Variants in ARHGAP26 observed in about 807,000 individuals in gnomAD.
ARHGAP26 encodes the protein rho GTPase-activating protein 26.
In ARHGAP26, 38 loss-of-function variants were observed where a neutral mutation model predicts 104.8. The ratio of observed to expected loss-of-function variants is 0.36; its 90% confidence interval spans 0.28 to 0.48. ARHGAP26 has a LOEUF of 0.48. ARHGAP26 is among the 20% of genes least tolerant of loss of function. The probability of loss-of-function intolerance (pLI) is 0.99; values close to 1 mark genes in which losing one functional copy is unlikely to be tolerated. For missense variants in ARHGAP26, 704 were observed against 947.9 expected (o/e 0.74, Z 3.38); for synonymous variants, 341 against 340.0 (o/e 1.00, Z -0.03).
intron 11 of ARHGAP26, among the ~76,000 whole-genome samples, chr5:142,975,980 C>A (rs1030451170): frequency 6.6e-6 from 1 of 152,142 alleles, no homozygotes; most frequent in South Asian, 2.1e-4. Context: ...AAAAACTCTC[C>A]GTGGAACTTA....
chr5:143,134,364 C>G (rs754371099), intron 19 of ARHGAP26, among the ~76,000 whole-genome samples: 1 of 152,172 alleles, frequency 6.6e-6, no homozygotes, highest in Non-Finnish European at 1.5e-5. Context: ...AGCTGAGTCT[C>G]TTTTCCTCCT....
At chr5:143,125,963 T>C (rs184398737) in intron 18 of ARHGAP26, among the ~76,000 whole-genome samples, 3 of 152,372 alleles carry the variant, frequency 2.0e-5, no homozygotes, top group Admixed American at 2.0e-4. Flanking sequence ...TATTAAAATC[T>C]ACTCTAGTTA....
chr5:142,791,548 A>G (rs1759816729), intron 1 of ARHGAP26, among the ~76,000 whole-genome samples: 2 of 152,212 alleles, frequency 1.3e-5, no homozygotes, highest in South Asian at 4.1e-4. Context: ...ACCTAGAAGA[A>G]ATGGACTGAT....
intron 11 of ARHGAP26, among the ~76,000 whole-genome samples, chr5:143,001,083 T>A (rs897164611): frequency 1.1e-4 from 16 of 151,814 alleles, no homozygotes; most frequent in African/African-American, 3.9e-4. Context: ...TAAAAGAATA[T>A]ATATGATGTA....
chr5:143,178,717 C>T (rs1438060503), intron 20 of ARHGAP26, among the ~76,000 whole-genome samples: 1 of 152,170 alleles, frequency 6.6e-6, no homozygotes, highest in Non-Finnish European at 1.5e-5. Flanking sequence ...TCACGATTGC[C>T]CCAGGAGGGA....
intron 1 of ARHGAP26, among the ~76,000 whole-genome samples, chr5:142,785,011 C>G (rs574370202): frequency 4.0e-5 from 6 of 149,476 alleles, no homozygotes; most frequent in Non-Finnish European, 5.9e-5. Context: ...ACTGCAAGCT[C>G]CGCCTCCCTC....
chr5:143,149,374 C>T (rs1198400530), intron 20 of ARHGAP26, among the ~76,000 whole-genome samples: 1 of 152,148 alleles, frequency 6.6e-6, no homozygotes, highest in Non-Finnish European at 1.5e-5. Flanking sequence ...GCAGTACCAG[C>T]ATCAGCCCTG....
chr5:143,110,286 G>T (rs1794618301), intron 17 of ARHGAP26, among the ~76,000 whole-genome samples: 1 of 152,238 alleles, frequency 6.6e-6, no homozygotes, highest in African/African-American at 2.4e-5. Flanking sequence ...GGAGGAGTCT[G>T]TCTTGTTCAC....
intron 22 of ARHGAP26, among the ~76,000 whole-genome samples, chr5:143,216,002 G>T (rs540211642): frequency 2.0e-5 from 3 of 152,126 alleles, no homozygotes; most frequent in African/African-American, 7.2e-5. Flanking sequence ...TATTAATTCC[G>T]TGTTTAAGTG....
intron 18 of ARHGAP26, among the ~76,000 whole-genome samples, chr5:143,127,759 A>G (rs1432351904): frequency 6.6e-6 from 1 of 152,254 alleles, no homozygotes; most frequent in Non-Finnish European, 1.5e-5. Flanking sequence ...GACTTTGTGC[A>G]CAAAATGTAC....
intron 12 of ARHGAP26, among the ~76,000 whole-genome samples, chr5:143,029,831 A>G (rs1433411357): frequency 1.3e-5 from 2 of 152,128 alleles, no homozygotes; most frequent in East Asian, 3.8e-4. Flanking sequence ...TTTCCTGGGG[A>G]AAAAATTCAG....
intron 18 of ARHGAP26, among the ~76,000 whole-genome samples, chr5:143,132,943 A>C (rs2150890814): frequency 6.6e-6 from 1 of 151,934 alleles, no homozygotes; most frequent in African/African-American, 2.4e-5. Flanking sequence ...TTAGTTCTTC[A>C]TTATAAAATG....
At position 142,871,042 on chromosome 5, in the gene ARHGAP26, G is replaced by A. The variant is rs1755208812; in HGVS notation, c.155-2358G>A. ...TTCAGGTCCATTCATCAGGATTCTC[G>A]CTCTACCCAGCTTTCCTCATTGGCT... On this transcript the variant is annotated intron_variant, in intron 1 of 22. Transcript: ENST00000645722. The surrounding 1 kb of genome is among the most constrained non-coding windows in gnomAD (Gnocchi z 4.1). Among the ~76,000 whole-genome samples the A allele has an allele frequency of 1.3e-5, 2 of 152,092 alleles. No individual in the cohort carries two copies. The highest frequency in any genetic ancestry group is 2.1e-4 in the South Asian group (1 of 4,826).
intron 12 of ARHGAP26, among the ~76,000 whole-genome samples, chr5:143,026,789 C>T (rs1403065055): frequency 9.8e-5 from 3 of 30,512 alleles, no homozygotes; most frequent in Non-Finnish European, 1.9e-4. Flanking sequence ...GGGAATAAAC[C>T]GTAGTGGGGT....
chr5:142,858,116 T>G (rs199682261), intron 1 of ARHGAP26, among the ~76,000 whole-genome samples: 1 of 116,236 alleles, frequency 8.6e-6, no homozygotes, highest in African/African-American at 4.1e-5. Flanking sequence ...AGAGAGGGAG[T>G]GTGTGTGTGT....
chr5:142,831,375 G>A (rs548158951), intron 1 of ARHGAP26, among the ~76,000 whole-genome samples: 2 of 151,226 alleles, frequency 1.3e-5, no homozygotes, highest in African/African-American at 4.9e-5. Context: ...TTTGCTCTTT[G>A]GTCTCCTTTT....
rs184570221 is a variant in ARHGAP26, at chr5:142,822,534, T to C, written c.155-50866T>C. ...AGTATAATGTGGTACTGGAGATACATACACAAATACACACACATGGTGTTT... is the reference window on the plus strand; with the variant it reads ...AGTATAATGTGGTACTGGAGATACACACACAAATACACACACATGGTGTTT... On this transcript the variant is annotated intron_variant, in intron 1 of 22. Transcript: ENST00000645722. Among the ~76,000 whole-genome samples the C allele has an allele frequency of 2.6e-5, 4 of 152,218 alleles. No individual in the cohort carries two copies. The East Asian group carries it at 7.7e-4, about 29-fold the overall frequency.
chr5:143,051,772 A>C (rs2150228172), intron 14 of ARHGAP26, among the ~76,000 whole-genome samples: 1 of 152,286 alleles, frequency 6.6e-6, no homozygotes, highest in East Asian at 1.9e-4. Context: ...AGCCCGAATA[A>C]GTGGAAGCTA....
At chr5:143,143,706 G>A (rs1798829748) in intron 19 of ARHGAP26, among the ~76,000 whole-genome samples, 1 of 152,240 alleles carries the variant, frequency 6.6e-6, no homozygotes, top group East Asian at 1.9e-4. Context: ...GAGCCTTAGT[G>A]TCAGTGACCC....
Sources: allele counts gnomAD v4.1 joint callset (sites outside exome capture counted in the v4.1 genomes callset), GRCh38; gene constraint gnomAD v4.1.1; non-coding constraint Gnocchi (gnomAD v3.1); transcripts MANE v1.5; gene names NCBI Gene and HGNC (gene_info 2026-07-23, HGNC 2026-07-21).